The following NTNG2 variants were observed in gnomAD, a reference collection of about 807,000 sequenced individuals.
The protein encoded by NTNG2 is netrin-G2.
NTNG2 carries 15 observed loss-of-function variants against 47.6 expected under a neutral mutation model. The observed-to-expected ratio is 0.32, with a 90% CI of 0.21 to 0.49. The LOEUF (loss-of-function observed/expected upper bound fraction) is 0.49. NTNG2 is among the 20% of genes least tolerant of loss of function. NTNG2 has a pLI of 0.99. For synonymous variants in NTNG2, 307 were observed against 324.6 expected, an observed-to-expected ratio of 0.95 and a Z score of 0.58; for missense variants, 578 against 764.6, an observed-to-expected ratio of 0.76 and a Z score of 2.88.
At position 132,197,999 on chromosome 9, in the gene NTNG2, G is replaced by T; in HGVS notation, c.247G>T (p.Ala83Ser). ...CTACCTATGCAGCAACGAGTGTGAC[G>T]CCTCCAACCCGGACCTGGCCCACCC... ...NPYLCSNECDASNPDLAHPPR... is the reference protein window; with the variant it reads ...NPYLCSNECDSSNPDLAHPPR... Residue 83 changes from alanine to serine, a missense_variant, in exon 3 of 8, where the codon GCC (alanine) becomes TCC (serine). Coordinates refer to ENST00000393229, the MANE Select transcript of NTNG2 (RefSeq NM_032536.4). This position sits in a 1 kb window ranked among gnomAD's most constrained non-coding sequence, Gnocchi z 4.3. 1 of 1,613,198 alleles carries T rather than the reference G, an allele frequency of 6.2e-7. No individual in the cohort carries two copies. Among genetic ancestry groups the T allele is most frequent in the East Asian group, 2.2e-5 (1 of 44,856 alleles).
intron 2 of NTNG2, 65 bp downstream of exon 2, chr9:132,167,109 T>C (rs1295446827): frequency 9.0e-6 from 14 of 1,547,692 alleles, no homozygotes; most frequent in Non-Finnish European, 1.2e-5. Flanking sequence ...AGGAGATCCT[T>C]GGGGTGGACG....
At chr9:132,171,769 C>A (rs557104830) in intron 2 of NTNG2, among the ~76,000 whole-genome samples, 1 of 152,240 alleles carries the variant, frequency 6.6e-6, no homozygotes, top group Non-Finnish European at 1.5e-5. Flanking sequence ...AGACACTCTG[C>A]CTCCTGCCAG....
intron 2 of NTNG2, among the ~76,000 whole-genome samples, chr9:132,175,054 A>G (rs1836319614): frequency 6.6e-6 from 1 of 151,994 alleles, no homozygotes; most frequent in African/African-American, 2.4e-5. Flanking sequence ...GTCTTGCAGG[A>G]TGGGAAGGGT....
intron 3 of NTNG2, among the ~76,000 whole-genome samples, chr9:132,201,376 G>A (rs1411915713): frequency 6.6e-6 from 1 of 152,246 alleles, no homozygotes; most frequent in Non-Finnish European, 1.5e-5. Flanking sequence ...TTCAGAGAGA[G>A]AGTAAACACT....
intron 2 of NTNG2, among the ~76,000 whole-genome samples, chr9:132,175,286 C>A (rs987203042): frequency 6.6e-6 from 1 of 152,170 alleles, no homozygotes; most frequent in African/African-American, 2.4e-5. Flanking sequence ...GTTCAGCCTT[C>A]CTGTGTCTGG....
In NTNG2 at chr9:132,208,773, C is replaced by T. The variant is rs1056404180; in HGVS notation, c.857+10164C>T. ...TTATATTTTCATACAGCAAAGTGGA[C>T]CTTTTGGGGGTACAATTCTAGGAAT... On this transcript the variant is annotated intron_variant, in intron 3 of 7. Transcript: ENST00000393229. The surrounding 1 kb of genome is among the most constrained non-coding windows in gnomAD (Gnocchi z 4.0). Among the ~76,000 whole-genome samples the T allele has an allele frequency of 6.6e-6, 1 of 151,700 alleles. No individual in the cohort carries two copies. The highest frequency in any genetic ancestry group is 2.4e-5 in the African/African-American group (1 of 41,210).
chr9:132,175,435 A>G (rs1204070985), intron 2 of NTNG2, among the ~76,000 whole-genome samples: 1 of 152,170 alleles, frequency 6.6e-6, no homozygotes, highest in African/African-American at 2.4e-5. Context: ...TCCAGAGCTC[A>G]CCAGGCTGGA....
At position 132,216,414 on chromosome 9, in the gene NTNG2, C is replaced by CTCTCTCTCTGTGTG. The variant is rs1554790515; in HGVS notation, c.858-10434_858-10433insCTCTCTCTGTGTGT. On this transcript the variant is annotated intron_variant, in intron 3 of 7. Coordinates refer to ENST00000393229, the MANE Select transcript of NTNG2 (RefSeq NM_032536.4). ...TCTCTCTCTCTCTCTCTCTCTCTCT[C>CTCTCTCTCTGTGTG]TGTGTGTGTGTGTATGTGTGTGTGT... is the stretch of plus-strand genomic sequence containing the variant. Among the ~76,000 whole-genome samples, 15 of 110,332 alleles carry CTCTCTCTCTGTGTG rather than the reference C, an allele frequency of 1.4e-4. 1 individual carries two copies. The highest frequency in any genetic ancestry group is 6.3e-4 in the African/African-American group (13 of 20,548). The allele number at this position is 110,332 out of a possible 152,430, so 72.4% of individuals were successfully genotyped here.
At position 132,220,136 on chromosome 9, in the gene NTNG2, T is replaced by C. The variant is rs79585837; in HGVS notation, c.858-6713T>C. ...CTGCTTCTTGGCCATTTGTATGCCT[T>C]CTTCGGAGAAATGTCTGTGCTGATC... On this transcript the variant is annotated intron_variant, in intron 3 of 7. Transcript: ENST00000393229. Among the ~76,000 whole-genome samples, 24 of 152,372 alleles carry C rather than the reference T, an allele frequency of 1.6e-4. No homozygotes were observed. In the East Asian group the frequency reaches 4.2e-3, roughly 27 times the overall value.
rs1461146376 is a variant in NTNG2, at chr9:132,198,219, A to G, written c.467A>G (p.Asp156Gly). The stretch of plus-strand genomic sequence containing the variant: ...GTCATGGTCCTGGAGAAGTCCCTGG[A>G]CAACGGGCGCACCTGGCAGCCCTAC... ...PTVMVLEKSL[D>G]NGRTWQPYQF... is the part of the protein sequence containing the mutation. The change falls in exon 3 of 8, where the codon GAC (aspartate) becomes GGC (glycine). Residue 156 changes from aspartate to glycine, a missense_variant. By Grantham distance (94) the Asp-to-Gly change is moderately conservative. Transcript: ENST00000393229. 1 of 1,613,328 alleles carries G rather than the reference A, an allele frequency of 6.2e-7. No homozygotes were observed. Among genetic ancestry groups the G allele is most frequent in the Non-Finnish European group, 8.5e-7 (1 of 1,180,050 alleles).
chr9:132,181,322 CTTTTT>C (rs781556504), intron 2 of NTNG2, among the ~76,000 whole-genome samples: 1 of 130,654 alleles, frequency 7.7e-6, no homozygotes, highest in Admixed American at 7.7e-5. Context: ...GGCTCACTTT[CTTTTT>C]TTTTTTTTTT....
chr9:132,219,546 C>G (rs1005567337), intron 3 of NTNG2, among the ~76,000 whole-genome samples: 4 of 143,422 alleles, frequency 2.8e-5, no homozygotes, highest in African/African-American at 5.3e-5. Context: ...GTACTCCAGC[C>G]TGGGTGACAG....
intron 3 of NTNG2, among the ~76,000 whole-genome samples, chr9:132,207,892 G>A (rs1839291766): frequency 6.6e-6 from 1 of 152,036 alleles, no homozygotes; most frequent in Admixed American, 6.5e-5. Flanking sequence ...TTGCTTGAGC[G>A]CAGGAGTTCA....
At chr9:132,201,969 C>A (rs1003976046) in intron 3 of NTNG2, among the ~76,000 whole-genome samples, 1 of 152,184 alleles carries the variant, frequency 6.6e-6, no homozygotes, top group African/African-American at 2.4e-5. Context: ...GATTGCACAG[C>A]GCCACTACAT....
chr9:132,192,191 C>T (rs1258567931), intron 2 of NTNG2, among the ~76,000 whole-genome samples: 2 of 152,210 alleles, frequency 1.3e-5, no homozygotes, highest in African/African-American at 2.4e-5. Flanking sequence ...CTCAGCCCCA[C>T]CCCCATGACA....
At chr9:132,227,412 C>T (rs1840857853) in intron 4 of NTNG2, among the ~76,000 whole-genome samples, 1 of 152,240 alleles carries the variant, frequency 6.6e-6, no homozygotes, top group African/African-American at 2.4e-5. Flanking sequence ...CAACCCTTCG[C>T]CTTCTTGACC....
At chr9:132,235,758 G>A (rs139838218) in intron 5 of NTNG2, among the ~76,000 whole-genome samples, 350 of 152,308 alleles carry the variant, frequency 2.3e-3, no homozygotes, top group Non-Finnish European at 4.1e-3. Flanking sequence ...CTGAGACCCC[G>A]GGGAAGCGCC....
Position 132,244,406 on chromosome 9 carries a change from C to G in NTNG2, c.*2295C>G, listed in dbSNP as rs1842147651. ...TGTTGCCCAGGCTGGTCTCAAACTC[C>G]TAGGCTCAAGTGAGCCTCCGGCCTT... On this transcript the variant is annotated 3_prime_UTR_variant, in exon 8 of 8. Coordinates refer to ENST00000393229, the MANE Select transcript of NTNG2 (RefSeq NM_032536.4). The G allele has an allele frequency of 6.6e-6, 1 of 152,324 alleles. No homozygotes were observed. The highest frequency in any genetic ancestry group is 2.4e-5 in the African/African-American group (1 of 41,444). The allele number at this position is 152,324 out of a possible 1,614,324, so 9.4% of individuals were successfully genotyped here. A position where few individuals can be genotyped will look rare whatever the true frequency, so the allele number is the denominator to read the frequency against.
In NTNG2 at chr9:132,182,791, C is replaced by T. The variant is rs569187973; in HGVS notation, c.214-15175C>T. ...CGGGCAGCTATGACCCCACCAGGAG[C>T]GGAGCGGGCAGGGACCAGGCTGCCC... On this transcript the variant is annotated intron_variant, in intron 2 of 7. Transcript: ENST00000393229. The surrounding 1 kb of genome is among the most constrained non-coding windows in gnomAD (Gnocchi z 4.2). Among the ~76,000 whole-genome samples, 1 of 152,286 alleles carries T rather than the reference C, an allele frequency of 6.6e-6. No individual in the cohort carries two copies. Among genetic ancestry groups the T allele is most frequent in the East Asian group, 1.9e-4 (1 of 5,176 alleles).
Sources: allele counts gnomAD v4.1 joint callset (sites outside exome capture counted in the v4.1 genomes callset), GRCh38; gene constraint gnomAD v4.1.1; non-coding constraint Gnocchi (gnomAD v3.1); transcripts MANE v1.5; gene names NCBI Gene and HGNC (gene_info 2026-07-23, HGNC 2026-07-21).